Variants in CAPS2 observed in about 807,000 individuals in gnomAD.
CAPS2 encodes the protein calcyphosine 2, also known as calcyphosin-2.
In CAPS2, 98 loss-of-function variants were observed where a neutral mutation model predicts 86.5. The ratio of observed to expected loss-of-function variants is 1.13; its 90% CI spans 0.96 to 1.34. CAPS2 has a LOEUF of 1.34. Ranked by LOEUF, CAPS2 falls within the 40% of genes most tolerant of loss-of-function variation. The pLI is 0.00. For missense variants in CAPS2, 729 were observed against 686.8 expected (o/e 1.06, Z -0.69); for synonymous variants, 210 against 225.1 (o/e 0.93, Z 0.60).
intron 8 of CAPS2, among the ~76,000 whole-genome samples, chr12:75,302,078 G>T (rs1458951017): frequency 1.3e-5 from 2 of 152,162 alleles, no homozygotes; most frequent in Non-Finnish European, 2.9e-5. Flanking sequence ...AGAATGTGCT[G>T]CTGCCTCCCA....
chr12:75,297,974 G>C (rs1226019121), intron 11 of CAPS2, among the ~76,000 whole-genome samples: 1 of 151,978 alleles, frequency 6.6e-6, no homozygotes, highest in East Asian at 1.9e-4. Flanking sequence ...CCTCCTATCT[G>C]GCCCTCTTAT....
At chr12:75,291,518 T>TATATAG (rs2035882576) in intron 13 of CAPS2, among the ~76,000 whole-genome samples, 1 of 84,822 alleles carries the variant, frequency 1.2e-5, no homozygotes, top group African/African-American at 5.1e-5. Context: ...TATATATATA[T>TATATAG]ATATAGCTTA....
chr12:75,276,852 T>C (rs547170441), downstream of CAPS2: 11 of 958,938 alleles, frequency 1.1e-5, no homozygotes, highest in Middle Eastern at 5.4e-4. Flanking sequence ...AATTTAATAT[T>C]TTAACATTTT....
At chr12:75,360,976 G>A (rs1175662791) in intron 1 of CAPS2, 1 of 152,176 alleles carries the variant, frequency 6.6e-6, no homozygotes, top group Non-Finnish European at 1.5e-5. Context: ...AGATAAGTCT[G>A]AGGTCTTGTC....
At chr12:75,383,421 A>G (rs901036611) in intron 1 of CAPS2, among the ~76,000 whole-genome samples, 1 of 152,176 alleles carries the variant, frequency 6.6e-6, no homozygotes, top group African/African-American at 2.4e-5. Flanking sequence ...CAAAACAAGG[A>G]AAGTTATCAG....
intron 1 of CAPS2, among the ~76,000 whole-genome samples, chr12:75,362,243 A>G (rs970452621): frequency 3.3e-5 from 5 of 152,176 alleles, no homozygotes; most frequent in Admixed American, 3.3e-4. Flanking sequence ...GTAGGTAACA[A>G]ATACACACAT....
At chr12:75,298,017 A>C (rs551993714) in intron 11 of CAPS2, among the ~76,000 whole-genome samples, 1 of 152,290 alleles carries the variant, frequency 6.6e-6, no homozygotes, top group East Asian at 1.9e-4. Flanking sequence ...TGCCAGCTCC[A>C]AAAAAGCAGG....
intron 5 of CAPS2, among the ~76,000 whole-genome samples, chr12:75,318,533 T>C (rs2039996739): frequency 6.6e-6 from 1 of 152,088 alleles, no homozygotes; most frequent in African/African-American, 2.4e-5. Flanking sequence ...GACCACACTG[T>C]CCTCCTCAAT....
exon 8 of CAPS2, chr12:75,304,870 G>A: frequency 6.2e-7 from 1 of 1,610,808 alleles, no homozygotes; most frequent in South Asian, 1.1e-5. Context: ...GATCACTGAT[G>A]ACAGCCCTAT....
chr12:75,356,637 A>G (rs1036441148), intron 1 of CAPS2, among the ~76,000 whole-genome samples: 5 of 152,182 alleles, frequency 3.3e-5, no homozygotes, highest in African/African-American at 1.2e-4. Flanking sequence ...AGGAAAAGGG[A>G]AACAGAAAAC....
intron 1 of CAPS2, among the ~76,000 whole-genome samples, chr12:75,381,794 T>A (rs1194895295): frequency 6.6e-6 from 1 of 151,890 alleles, no homozygotes; most frequent in East Asian, 1.9e-4. Flanking sequence ...TTTGTATTTT[T>A]AGTAGAGACA....
At chr12:75,338,682 C>T (rs1347805961) in intron 1 of CAPS2, among the ~76,000 whole-genome samples, 1 of 151,968 alleles carries the variant, frequency 6.6e-6, no homozygotes, top group African/African-American at 2.4e-5. Flanking sequence ...GTTTGCTGCA[C>T]AGATCAACCA....
chr12:75,360,330 C>G (rs1325316536), intron 1 of CAPS2: 2 of 152,152 alleles, frequency 1.3e-5, no homozygotes, highest in Non-Finnish European at 2.9e-5. Context: ...AGTCCATAAT[C>G]CAAAGTCTCA....
At chr12:75,298,877 T>C (rs1482887704) in exon 10 of CAPS2, 1 of 1,609,000 alleles carries the variant, frequency 6.2e-7, no homozygotes, top group East Asian at 2.2e-5. Flanking sequence ...ATACCTATTT[T>C]TCCCAAATTG....
intron 1 of CAPS2, among the ~76,000 whole-genome samples, chr12:75,337,591 A>C (rs2041824364): frequency 6.6e-6 from 1 of 152,014 alleles, no homozygotes; most frequent in African/African-American, 2.4e-5. Flanking sequence ...GAATAAGTGC[A>C]TAAAATGCAC....
intron 1 of CAPS2, among the ~76,000 whole-genome samples, chr12:75,389,410 A>C (rs542321097): frequency 2.0e-5 from 3 of 152,204 alleles, no homozygotes; most frequent in Admixed American, 6.5e-5. Context: ...CTAATTATTT[A>C]AGAAAAGGAT....
chr12:75,287,925 C>T (rs1259332931), intron 14 of CAPS2, among the ~76,000 whole-genome samples: 1 of 152,110 alleles, frequency 6.6e-6, no homozygotes, highest in African/African-American at 2.4e-5. Flanking sequence ...AGATCTCACC[C>T]TGTGGGATCT....
At chr12:75,374,392 A>C (rs1043691847) in intron 1 of CAPS2, among the ~76,000 whole-genome samples, 7 of 152,224 alleles carry the variant, frequency 4.6e-5, no homozygotes, top group Admixed American at 4.6e-4. Flanking sequence ...TCTTGGTTGT[A>C]GGAGTGGCCA....
At chr12:75,354,770 A>C (rs571674389) in intron 1 of CAPS2, among the ~76,000 whole-genome samples, 2 of 152,350 alleles carry the variant, frequency 1.3e-5, no homozygotes, top group South Asian at 4.1e-4. Context: ...TGGTACTGGT[A>C]CAAAAACAGA....
Sources: allele counts gnomAD v4.1 joint callset (sites outside exome capture counted in the v4.1 genomes callset), GRCh38; gene constraint gnomAD v4.1.1; transcripts MANE v1.5; gene names NCBI Gene and HGNC (gene_info 2026-07-23, HGNC 2026-07-21).